The following KANK4 variants were observed in gnomAD, a reference collection of about 807,000 sequenced individuals.
The protein encoded by KANK4 is KN motif and ankyrin repeat domains 4.
In KANK4, 50 loss-of-function variants were observed where a neutral mutation model predicts 80.8. The ratio of observed to expected loss-of-function variants is 0.62; its 90% CI spans 0.49 to 0.78. The LOEUF (loss-of-function observed/expected upper bound fraction) is 0.78. Ranked by LOEUF, KANK4 falls within the 30% of genes least tolerant of loss-of-function variation. The pLI is 0.00. For missense variants in KANK4, 1,196 were observed against 1,240.1 expected, an observed-to-expected ratio of 0.96 and a Z score of 0.53; for synonymous variants, 465 against 506.9, an observed-to-expected ratio of 0.92 and a Z score of 1.11.
chr1:62,305,409 A>G (rs1644443323), intron 1 of KANK4, among the ~76,000 whole-genome samples: 2 of 152,142 alleles, frequency 1.3e-5, no homozygotes, highest in South Asian at 4.1e-4. Context: ...CCCGGGTTCA[A>G]GCAATTCTCC....
intron 1 of KANK4, among the ~76,000 whole-genome samples, chr1:62,304,980 G>A (rs918518215): frequency 3.3e-5 from 5 of 151,284 alleles, no homozygotes; most frequent in African/African-American, 7.3e-5. Context: ...TGCTAAAGAC[G>A]AAGTGATATC....
At chr1:62,317,895 A>G (rs957568215) in intron 1 of KANK4, among the ~76,000 whole-genome samples, 2 of 152,172 alleles carry the variant, frequency 1.3e-5, no homozygotes, top group Non-Finnish European at 2.9e-5. Context: ...GCATTTGTTG[A>G]TTGAATCAGT....
In KANK4 at chr1:62,273,530, C is replaced by A; in HGVS notation, c.1574G>T (p.Gly525Val). The change falls in exon 3 of 10, where the codon GGC (glycine) becomes GTC (valine). Residue 525 changes from glycine (G) to valine (V), a missense_variant. Gly to Val is a moderately radical substitution (Grantham distance 109). Around this residue, in one of 3 missense-constraint regions of KANK4, gnomAD observed 1,154 missense variants for 1,179.6 expected, o/e 0.98. Coordinates refer to ENST00000371153, the MANE Select transcript of KANK4 (RefSeq NM_181712.5). Reference sequence around the variant, plus strand: ...TGCTGGGGGAGTCTTTCTGTCGCTGCCCCACAGAAAGCCTCCTGCTCCCCT... The same window carrying A: ...TGCTGGGGGAGTCTTTCTGTCGCTGACCCACAGAAAGCCTCCTGCTCCCCT... Reference protein sequence around the residue: ...GTRGAGGFLWGSDRKTPPAGR... With the variant: ...GTRGAGGFLWVSDRKTPPAGR... The A allele has an allele frequency of 6.2e-7, 1 of 1,613,352 alleles. No individual in the cohort carries two copies. The highest frequency in any genetic ancestry group is 8.5e-7 in the Non-Finnish European group (1 of 1,179,390).
chr1:62,243,793 C>T (rs1453218611), intron 9 of KANK4, among the ~76,000 whole-genome samples: 3 of 152,192 alleles, frequency 2.0e-5, no homozygotes, highest in Non-Finnish European at 2.9e-5. Flanking sequence ...AGTAAAATCA[C>T]CCCTAGCTGA....
At position 62,273,765 on chromosome 1, in the gene KANK4, G is replaced by GC; in HGVS notation, c.1338dup (p.His447AlafsTer16). The GC allele has an allele frequency of 6.2e-7, 1 of 1,614,056 alleles. No individual in the cohort carries two copies. Among genetic ancestry groups the GC allele is most frequent in the South Asian group, 1.1e-5 (1 of 91,068 alleles). ...AGGAGGCCATTCTCCTCTCCTCGGT[G>GC]CCCCCAGCTTTCAGACTCCATGCTG... On this transcript the variant is annotated frameshift_variant, in exon 3 of 10. Coordinates refer to ENST00000371153, the MANE Select transcript of KANK4 (RefSeq NM_181712.5). LOFTEE classifies it high-confidence loss of function.
chr1:62,287,514 C>T (rs895634303), intron 1 of KANK4, among the ~76,000 whole-genome samples: 1 of 152,174 alleles, frequency 6.6e-6, no homozygotes, highest in Non-Finnish European at 1.5e-5. Context: ...CTGCCTGCAT[C>T]GAGCCTGGTA....
rs139826756 is a variant in KANK4 at position 62,260,423 on chromosome 1, T to G, written c.2539+2669A>C. Among the ~76,000 whole-genome samples, 250 of 152,198 alleles carry G rather than the reference T, an allele frequency of 1.6e-3. 1 individual carries two copies. Among genetic ancestry groups the G allele is most frequent in the African/African-American group, 5.5e-3 (229 of 41,528 alleles). ...GTCTCTCTGTCTCTCATTCCCTGTC[T>G]CTGTCCCCCACCTTATCTGTTCCTC... On this transcript the variant is annotated intron_variant, in intron 7 of 9. Coordinates refer to ENST00000371153, the MANE Select transcript of KANK4 (RefSeq NM_181712.5).
At chr1:62,251,086 T>C (rs1178996932) in intron 8 of KANK4, among the ~76,000 whole-genome samples, 3 of 152,192 alleles carry the variant, frequency 2.0e-5, no homozygotes, top group African/African-American at 2.4e-5. Flanking sequence ...CCTTGGAAGC[T>C]GGAGATATTG....
rs747158846 is a variant in KANK4 at position 62,253,117 on chromosome 1, C to T, written c.2632G>A (p.Val878Ile). The T allele has an allele frequency of 1.2e-6, 2 of 1,614,028 alleles. No homozygotes were observed. Among genetic ancestry groups the T allele is most frequent in the Non-Finnish European group, 1.7e-6 (2 of 1,179,974 alleles). Residue 878 changes from valine (V) to isoleucine (I), a missense_variant, in exon 8 of 10, where the codon GTT becomes ATT. Transcript: ENST00000371153. The stretch of plus-strand genomic sequence containing the variant: ...CCTTCTCTTAAGAGCTTCCAGACAA[C>T]AGCCATGTCTTCATTGGTCTCTGCG... ...ASAETNEDMA[V>I]VWKLLREGNV...
intron 1 of KANK4, among the ~76,000 whole-genome samples, chr1:62,304,386 T>C (rs1174094331): frequency 6.6e-6 from 1 of 151,988 alleles, no homozygotes; most frequent in African/African-American, 2.4e-5. Context: ...ATTTTTATGA[T>C]GTGCCACTGA....
At chr1:62,271,628 G>T (rs1414194616) in intron 3 of KANK4, 39 bp from the exon 4 acceptor site, 1 of 1,452,674 alleles carries the variant, frequency 6.9e-7, no homozygotes, top group Non-Finnish European at 9.7e-7. Flanking sequence ...ATGATCTTGG[G>T]GATGCATGGG....
At chr1:62,253,310 C>A in intron 7 of KANK4, 101 bp from the exon 8 acceptor site, 1 of 1,130,554 alleles carries the variant, frequency 8.8e-7, no homozygotes, top group Non-Finnish European at 1.2e-6. Context: ...GTTAGAAAGC[C>A]ATGGACTAGA....
At chr1:62,300,021 C>T (rs1644398676) in intron 1 of KANK4, among the ~76,000 whole-genome samples, 1 of 152,082 alleles carries the variant, frequency 6.6e-6, no homozygotes, top group Non-Finnish European at 1.5e-5. Context: ...AACACAAAGG[C>T]CTCCCACCTG....
At position 62,267,141 on chromosome 1, in the gene KANK4, A is replaced by G. The variant is rs79766499; in HGVS notation, c.2232-322T>C. On this transcript the variant is annotated intron_variant, in intron 5 of 9. Coordinates refer to ENST00000371153, the MANE Select transcript of KANK4 (RefSeq NM_181712.5). ...GACAGGCCCACCTGCATTTCCTGGCATGCTGGGAAGGGGAGGCCTGTCTTT... is the reference window on the plus strand; with the variant it reads ...GACAGGCCCACCTGCATTTCCTGGCGTGCTGGGAAGGGGAGGCCTGTCTTT... Among the ~76,000 whole-genome samples the G allele has an allele frequency of 4.4e-3, 671 of 152,284 alleles. 6 individuals carry two copies. The highest frequency in any genetic ancestry group is 0.016 in the African/African-American group (645 of 41,550).
At chr1:62,251,598 C>T (rs1671619426) in intron 8 of KANK4, among the ~76,000 whole-genome samples, 1 of 152,084 alleles carries the variant, frequency 6.6e-6, no homozygotes, top group African/African-American at 2.4e-5. Flanking sequence ...AGCAGAGGGC[C>T]CCAGAAGATG....
At chr1:62,258,196 C>T (rs1671794228) in intron 7 of KANK4, among the ~76,000 whole-genome samples, 1 of 152,212 alleles carries the variant, frequency 6.6e-6, no homozygotes, top group Admixed American at 6.5e-5. Flanking sequence ...AGATCTGCTT[C>T]ACAATTCCTG....
At chr1:62,255,965 A>G (rs1374845339) in intron 7 of KANK4, among the ~76,000 whole-genome samples, 1 of 152,226 alleles carries the variant, frequency 6.6e-6, no homozygotes, top group Non-Finnish European at 1.5e-5. Context: ...TATTTAAAGC[A>G]CTTAGAACAA....
chr1:62,263,235 G>A lies in KANK4; in HGVS notation c.2396C>T (p.Ala799Val). The change falls in exon 7 of 10, where the codon GCC becomes GTC. Residue 799 changes from alanine (A) to valine (V), a missense_variant. Ala to Val is a moderately conservative substitution (Grantham distance 64, BLOSUM62 0). Around this residue, in one of 3 missense-constraint regions of KANK4, gnomAD observed 1,154 missense variants for 1,179.6 expected, o/e 0.98. Coordinates refer to ENST00000371153, the MANE Select transcript of KANK4 (RefSeq NM_181712.5). ...SRKSSSPAVVASYLHEVQPHS... is the reference protein window; with the variant it reads ...SRKSSSPAVVVSYLHEVQPHS... ...AGGCTGGACCTCGTGGAGGTAGGAG[G>A]CCACCACGGCGGGGCTAGACGACTT... 6.2e-7 allele frequency: 1 copy of A among 1,613,848 alleles called. No individual in the cohort carries two copies. Among genetic ancestry groups the A allele is most frequent in the Non-Finnish European group, 8.5e-7 (1 of 1,179,942 alleles).
chr1:62,241,204 G>A (rs369556498), intron 9 of KANK4, among the ~76,000 whole-genome samples: 23 of 152,242 alleles, frequency 1.5e-4, no homozygotes, highest in East Asian at 3.9e-4. Flanking sequence ...AGAATCCAGC[G>A]GCCATCAGGG....
Sources: gnomAD v4.1 joint callset for allele counts (sites outside exome capture counted in the v4.1 genomes callset) on GRCh38, gnomAD v4.1.1 for gene constraint, gnomAD v4.1.1 regional missense constraint, MANE v1.5 for transcripts, NCBI Gene and HGNC (gene_info 2026-07-23, HGNC 2026-07-21) for gene names.